CCNY: variants seen among roughly 807,000 people sequenced by gnomAD.
The protein encoded by CCNY is cyclin Y, also known as cyclin-Y.
Under a neutral mutation model 42.8 loss-of-function variants are expected in CCNY, and 19 were observed. The observed-to-expected ratio is 0.44, with a 90% CI of 0.31 to 0.65. The LOEUF (loss-of-function observed/expected upper bound fraction) is 0.65, where lower values mean the gene tolerates loss of function less well. CCNY is among the 30% of genes least tolerant of loss of function. The probability of loss-of-function intolerance (pLI) is 0.07; values close to 1 mark genes in which losing one functional copy is unlikely to be tolerated. For missense variants in CCNY, 370 were observed against 437.3 expected, an observed-to-expected ratio of 0.85 and a Z score of 1.37; for synonymous variants, 165 against 162.7, an observed-to-expected ratio of 1.01 and a Z score of -0.11.
At chr10:35,360,821 A>T (rs145338075) in intron 1 of CCNY, among the ~76,000 whole-genome samples, 1 of 152,126 alleles carries the variant, frequency 6.6e-6, no homozygotes, top group Non-Finnish European at 1.5e-5. Flanking sequence ...AGTCAGACAC[A>T]TTAATCAAGC....
intron 1 of CCNY, among the ~76,000 whole-genome samples, chr10:35,433,070 C>T (rs907579411): frequency 6.6e-6 from 1 of 152,104 alleles, no homozygotes; most frequent in African/African-American, 2.4e-5. Flanking sequence ...GTAGGCTGGG[C>T]ACGGTGGCTC....
chr10:35,340,458 T>C, intron 1 of CCNY, among the ~76,000 whole-genome samples: 1 of 151,840 alleles, frequency 6.6e-6, no homozygotes, highest in East Asian at 1.9e-4. Context: ...TGTACCATAG[T>C]GTCCTTGTAG....
At chr10:35,323,117 C>G (rs1208237520) in intron 3 of CCNY, among the ~76,000 whole-genome samples, 1 of 152,050 alleles carries the variant, frequency 6.6e-6, no homozygotes, top group African/African-American at 2.4e-5. Flanking sequence ...TTAGTAGACA[C>G]AGGGTTTCGT....
chr10:35,413,876 A>T (rs1837966574), intron 1 of CCNY, among the ~76,000 whole-genome samples: 1 of 152,142 alleles, frequency 6.6e-6, no homozygotes, highest in South Asian at 2.1e-4. Context: ...AGTGAGGGAG[A>T]GAGAGAGGAG....
intron 1 of CCNY, among the ~76,000 whole-genome samples, chr10:35,411,162 G>C (rs866946964): frequency 3.3e-5 from 5 of 152,122 alleles, no homozygotes; most frequent in African/African-American, 1.2e-4. Context: ...AACACAAAAA[G>C]ATTCTAGCTA....
intron 3 of CCNY, among the ~76,000 whole-genome samples, chr10:35,324,698 T>C (rs1435163483): frequency 6.6e-6 from 1 of 152,166 alleles, no homozygotes. Flanking sequence ...AGAACCAAAA[T>C]CCAAAAGACC....
chr10:35,512,937 G>A (rs1010408747), intron 3 of CCNY, among the ~76,000 whole-genome samples: 1 of 152,074 alleles, frequency 6.6e-6, no homozygotes, highest in Non-Finnish European at 1.5e-5. Flanking sequence ...CGCTTTGATC[G>A]TATGTTTGTG....
chr10:35,374,773 A>G (rs189782040), intron 1 of CCNY, among the ~76,000 whole-genome samples: 1 of 152,346 alleles, frequency 6.6e-6, no homozygotes. Flanking sequence ...GTAGCTACAT[A>G]TGTTAAAGAT....
intron 3 of CCNY, among the ~76,000 whole-genome samples, chr10:35,253,109 T>C (rs2095713093): frequency 1.3e-5 from 2 of 152,214 alleles, no homozygotes; most frequent in Admixed American, 6.5e-5. Flanking sequence ...GCTGACACTA[T>C]TGGTTGAATA....
intron 8 of CCNY, among the ~76,000 whole-genome samples, chr10:35,561,094 T>C (rs1042689650): frequency 3.3e-5 from 5 of 152,202 alleles, no homozygotes; most frequent in African/African-American, 1.2e-4. Context: ...GTACCTTAGA[T>C]GAACAATGGG....
intron 4 of CCNY, among the ~76,000 whole-genome samples, chr10:35,520,321 T>G (rs1438268121): frequency 6.6e-6 from 1 of 152,142 alleles, no homozygotes; most frequent in East Asian, 1.9e-4. Flanking sequence ...GCCATCCCAT[T>G]CTAAAATTTT....
At chr10:35,504,713 T>G (rs988182573) in intron 3 of CCNY, among the ~76,000 whole-genome samples, 3 of 152,148 alleles carry the variant, frequency 2.0e-5, no homozygotes, top group Non-Finnish European at 4.4e-5. Flanking sequence ...CTTGGCTCAC[T>G]GCAACCTCCC....
At chr10:35,341,171 C>T (rs1424517938) in intron 1 of CCNY, among the ~76,000 whole-genome samples, 1 of 152,242 alleles carries the variant, frequency 6.6e-6, no homozygotes, top group Non-Finnish European at 1.5e-5. Context: ...CATCAGCTCA[C>T]TCAGTCGCTT....
intron 8 of CCNY, among the ~76,000 whole-genome samples, chr10:35,554,150 G>A (rs1253343876): frequency 1.3e-5 from 2 of 152,094 alleles, no homozygotes; most frequent in Non-Finnish European, 2.9e-5. Context: ...CCCAGTGCCT[G>A]TGACAACTAC....
At chr10:35,367,325 A>G (rs1317141709) in intron 1 of CCNY, among the ~76,000 whole-genome samples, 2 of 152,202 alleles carry the variant, frequency 1.3e-5, no homozygotes, top group African/African-American at 4.8e-5. Flanking sequence ...ACCATGCACT[A>G]GCTGGGAGCC....
intron 1 of CCNY, among the ~76,000 whole-genome samples, chr10:35,480,162 G>A (rs564816892): frequency 3.3e-5 from 5 of 152,238 alleles, no homozygotes; most frequent in Middle Eastern, 3.4e-3. Context: ...GTGTGTCACC[G>A]CACTGGGGAG....
intron 8 of CCNY, 140 bp from the exon 9 acceptor site, chr10:35,565,883 C>A: frequency 2.4e-6 from 2 of 831,674 alleles, no homozygotes; most frequent in Non-Finnish European, 3.8e-6. Context: ...ATATGGTGGT[C>A]TAACCAGACA....
At chr10:35,252,381 T>C (rs965092895) in intron 3 of CCNY, among the ~76,000 whole-genome samples, 1 of 151,870 alleles carries the variant, frequency 6.6e-6, no homozygotes, top group Non-Finnish European at 1.5e-5. Flanking sequence ...CTGGCTAACA[T>C]GGTGAAACCC....
At chr10:35,561,747 C>T (rs1045808948) in intron 8 of CCNY, among the ~76,000 whole-genome samples, 5 of 152,226 alleles carry the variant, frequency 3.3e-5, no homozygotes, top group Non-Finnish European at 7.3e-5. Context: ...CTGGGAGTCT[C>T]CCCATGTACC....
Sources: allele counts gnomAD v4.1 joint callset (sites outside exome capture counted in the v4.1 genomes callset), GRCh38; gene constraint gnomAD v4.1.1; transcripts MANE v1.5; gene names NCBI Gene and HGNC (gene_info 2026-07-23, HGNC 2026-07-21).